Variants in KLHL28 observed in about 807,000 individuals in gnomAD.
KLHL28 encodes kelch-like protein 28.
A neutral mutation model predicts 48.3 loss-of-function variants in KLHL28; 22 were observed. The ratio of observed to expected loss-of-function variants is 0.46; its 90% CI spans 0.33 to 0.65. KLHL28 has a LOEUF of 0.65. KLHL28 is among the 30% of genes least tolerant of loss of function. The pLI is 0.03. For synonymous variants in KLHL28, 243 were observed against 242.4 expected (o/e 1.00, Z -0.02); for missense variants, 527 against 704.3 (o/e 0.75, Z 2.85).
intron 1 of KLHL28, among the ~76,000 whole-genome samples, chr14:44,946,641 C>T (rs965996080): frequency 6.6e-6 from 1 of 150,406 alleles, no homozygotes; most frequent in African/African-American, 2.4e-5. Context: ...ACTGCAACCT[C>T]TGCCTCCTAG....
At chr14:44,950,094 A>C (rs899861334) in intron 1 of KLHL28, among the ~76,000 whole-genome samples, 10 of 152,128 alleles carry the variant, frequency 6.6e-5, no homozygotes, top group Non-Finnish European at 7.4e-5. Flanking sequence ...CCAAGGAATG[A>C]AGGTTACTCA....
At chr14:44,937,834 T>C (rs1883891268) in intron 2 of KLHL28, among the ~76,000 whole-genome samples, 2 of 151,986 alleles carry the variant, frequency 1.3e-5, no homozygotes, top group South Asian at 4.2e-4. Flanking sequence ...ACAGAGAAAA[T>C]GGCAGCCGGA....
intron 2 of KLHL28, among the ~76,000 whole-genome samples, chr14:44,944,047 G>A (rs1013654296): frequency 2.0e-5 from 3 of 152,038 alleles, no homozygotes; most frequent in African/African-American, 4.8e-5. Context: ...TTGATGAAAC[G>A]TCAAGTTTCC....
chr14:44,933,444 A>G (rs1883672141), intron 3 of KLHL28, among the ~76,000 whole-genome samples: 1 of 151,860 alleles, frequency 6.6e-6, no homozygotes, highest in African/African-American at 2.4e-5. Context: ...CCAAAGTATT[A>G]GGATTACAGG....
At position 44,926,185 on chromosome 14, in the gene KLHL28, A is replaced by T. The variant is rs1196274473; in HGVS notation, c.*2843T>A. On this transcript the variant is annotated 3_prime_UTR_variant, in exon 5 of 5. Coordinates refer to ENST00000396128, the MANE Select transcript of KLHL28 (RefSeq NM_017658.5). ...GTAAACATATTAGTTGTCAGGTCAG[A>T]TTAGTAGCTCTGGTTGTTACGAATA... 1.3e-5 allele frequency: 2 copies of T among 152,208 alleles called. No homozygotes were observed. The highest frequency in any genetic ancestry group is 4.8e-5 in the African/African-American group (2 of 41,458). The allele number at this position is 152,208 out of a possible 1,614,324, so 9.4% of individuals were successfully genotyped here.
intron 2 of KLHL28, among the ~76,000 whole-genome samples, chr14:44,938,371 T>TAA (rs144288954): frequency 0.05 from 7,629 of 151,656 alleles, 629 homozygotes; most frequent in African/African-American, 0.17. Flanking sequence ...AGGAAAACAT[T>TAA]GTCTTCTTTT....
intron 2 of KLHL28, among the ~76,000 whole-genome samples, chr14:44,935,301 CAAG>C (rs1017282892): frequency 2.0e-4 from 30 of 152,212 alleles, no homozygotes; most frequent in African/African-American, 7.0e-4. Flanking sequence ...TTGGGGAGGA[CAAG>C]AAGGGAGCTC....
chr14:44,946,551 C>CTTTT (rs397853423), intron 1 of KLHL28, among the ~76,000 whole-genome samples: 1 of 122,542 alleles, frequency 8.2e-6, no homozygotes. Flanking sequence ...CCACTCAACT[C>CTTTT]TTTTTTTTTT....
At chr14:44,941,342 C>T (rs942839646) in intron 2 of KLHL28, among the ~76,000 whole-genome samples, 3 of 152,028 alleles carry the variant, frequency 2.0e-5, no homozygotes, top group African/African-American at 7.2e-5. Flanking sequence ...CTTGAAATTA[C>T]CCACCAAGGC....
At chr14:44,940,948 A>G (rs1301441766) in intron 2 of KLHL28, among the ~76,000 whole-genome samples, 2 of 152,104 alleles carry the variant, frequency 1.3e-5, no homozygotes, top group East Asian at 3.9e-4. Context: ...CAAAATACAA[A>G]AATTAGCCGG....
rs1360495058 is a variant in KLHL28 at position 44,925,427 on chromosome 14, G to T, written c.*3601C>A. On this transcript the variant is annotated 3_prime_UTR_variant, in exon 5 of 5. Transcript: ENST00000396128. ...AGATTTGGAGTTCTATAAATATTAGGTTTTTTAATATTTCTTTTTCATGCC... is the reference window on the plus strand; with the variant it reads ...AGATTTGGAGTTCTATAAATATTAGTTTTTTTAATATTTCTTTTTCATGCC... 1 of 152,006 alleles carries T rather than the reference G, an allele frequency of 6.6e-6. No homozygotes were observed. The highest frequency in any genetic ancestry group is 2.4e-5 in the African/African-American group (1 of 41,418). 9.4% of individuals were successfully genotyped at this position (152,006 alleles called of 1,614,324 possible). A position where few individuals can be genotyped will look rare whatever the true frequency, so the allele number is the denominator to read the frequency against.
intron 4 of KLHL28, among the ~76,000 whole-genome samples, chr14:44,930,110 G>C (rs1883518061): frequency 6.6e-6 from 1 of 151,992 alleles, no homozygotes; most frequent in Non-Finnish European, 1.5e-5. Flanking sequence ...AGTTCTCATT[G>C]TTTCTGTGGC....
intron 3 of KLHL28, among the ~76,000 whole-genome samples, chr14:44,933,301 TTTTC>T (rs201064517): frequency 2.3e-4 from 34 of 150,574 alleles, no homozygotes; most frequent in Non-Finnish European, 3.4e-4. Flanking sequence ...CAATCTTTTC[TTTTC>T]TTTCTTTCTT....
At chr14:44,939,200 G>A in intron 2 of KLHL28, among the ~76,000 whole-genome samples, 1 of 152,120 alleles carries the variant, frequency 6.6e-6, no homozygotes, top group Admixed American at 6.5e-5. Flanking sequence ...AGGTGGCCAT[G>A]GGCAGTGAGC....
intron 1 of KLHL28, among the ~76,000 whole-genome samples, chr14:44,948,570 A>G (rs1884441627): frequency 6.6e-6 from 1 of 152,150 alleles, no homozygotes; most frequent in African/African-American, 2.4e-5. Flanking sequence ...ATAAAGTTCT[A>G]CAAAATATAC....
At chr14:44,956,571 T>C (rs1286981076) in intron 1 of KLHL28, among the ~76,000 whole-genome samples, 1 of 152,074 alleles carries the variant, frequency 6.6e-6, no homozygotes, top group East Asian at 1.9e-4. Context: ...AAAGATGCAA[T>C]TAGCAAAAAC....
At chr14:44,940,866 C>T (rs1884043090) in intron 2 of KLHL28, among the ~76,000 whole-genome samples, 1 of 152,150 alleles carries the variant, frequency 6.6e-6, no homozygotes, top group Non-Finnish European at 1.5e-5. Context: ...ACTTGGGAGG[C>T]TGAGGCGGGT....
rs1457812614 is a variant in KLHL28 at position 44,926,208 on chromosome 14, A to G, written c.*2820T>C. The G allele has an allele frequency of 6.6e-6, 1 of 152,218 alleles. No homozygotes were observed. Among genetic ancestry groups the G allele is most frequent in the Non-Finnish European group, 1.5e-5 (1 of 68,026 alleles). 9.4% of individuals were successfully genotyped at this position (152,218 alleles called of 1,614,324 possible). ...AGATTAGTAGCTCTGGTTGTTACGAATAATACAGTAGGTTAAGCAATCCTA... is the reference window on the plus strand; with the variant it reads ...AGATTAGTAGCTCTGGTTGTTACGAGTAATACAGTAGGTTAAGCAATCCTA... On this transcript the variant is annotated 3_prime_UTR_variant, in exon 5 of 5. Coordinates refer to ENST00000396128, the MANE Select transcript of KLHL28 (RefSeq NM_017658.5).
At chr14:44,931,225 C>G in intron 4 of KLHL28, 108 bp downstream of exon 4, 176 of 326,338 alleles carry the variant, frequency 5.4e-4, no homozygotes, top group East Asian at 4.8e-4. Flanking sequence ...TTTTTTTTTT[C>G]TGGACAAGTA....
Sources: allele counts gnomAD v4.1 joint callset (sites outside exome capture counted in the v4.1 genomes callset), GRCh38; gene constraint gnomAD v4.1.1; transcripts MANE v1.5; gene names NCBI Gene and HGNC (gene_info 2026-07-23, HGNC 2026-07-21).